The following ATXN1 variants were observed in gnomAD, a reference collection of about 807,000 sequenced individuals.
The protein encoded by ATXN1 is ataxin-1.
ATXN1 carries 8 observed loss-of-function variants against 56.4 expected under a neutral mutation model. The ratio of observed to expected loss-of-function variants is 0.14; its 90% CI spans 0.08 to 0.26. The LOEUF is 0.26. Ranked by LOEUF, ATXN1 falls within the 10% of genes least tolerant of loss-of-function variation. The pLI, the probability that ATXN1 is intolerant of heterozygous loss-of-function variation, is 1.00. For synonymous variants in ATXN1, 514 were observed against 494.6 expected, an observed-to-expected ratio of 1.04 and a Z score of -0.52; for missense variants, 987 against 1,106.5, an observed-to-expected ratio of 0.89 and a Z score of 1.53.
chr6:16,726,376 G>A (rs7768298), intron 2 of ATXN1, among the ~76,000 whole-genome samples: 36,709 of 116,888 alleles, frequency 0.31, 5,239 homozygotes, highest in East Asian at 0.48. Flanking sequence ...GCAAGACTCT[G>A]TCTCAAAAAA....
chr6:16,697,934 C>T (rs886831894), intron 2 of ATXN1, among the ~76,000 whole-genome samples: 4 of 152,150 alleles, frequency 2.6e-5, no homozygotes, highest in Non-Finnish European at 5.9e-5. Flanking sequence ...CTCAGGCACC[C>T]GGAAGCTTTG....
intron 7 of ATXN1, among the ~76,000 whole-genome samples, chr6:16,313,291 G>A (rs1760441088): frequency 6.6e-6 from 1 of 152,126 alleles, no homozygotes; most frequent in Non-Finnish European, 1.5e-5. Flanking sequence ...GCTTTTGAGT[G>A]GTGAGCAGCC....
intron 3 of ATXN1, among the ~76,000 whole-genome samples, chr6:16,639,861 G>A (rs1423613626): frequency 2.0e-5 from 3 of 152,160 alleles, no homozygotes; most frequent in Non-Finnish European, 4.4e-5. Context: ...CTTCTTCTCT[G>A]AGTAATAGCA....
intron 2 of ATXN1, among the ~76,000 whole-genome samples, chr6:16,733,771 C>T (rs1435762510): frequency 1.3e-5 from 2 of 152,184 alleles, no homozygotes; most frequent in Admixed American, 6.5e-5. Context: ...CACTTGAATC[C>T]GGGAGGGAGA....
chr6:16,595,993 C>T (rs910901177), intron 3 of ATXN1, among the ~76,000 whole-genome samples: 4 of 151,890 alleles, frequency 2.6e-5, no homozygotes, highest in Admixed American at 2.6e-4. Context: ...TTTGCAGCCC[C>T]GTTATTTTGT....
At position 16,301,188 on chromosome 6, in the gene ATXN1, A is replaced by AT. The variant is rs1294171179; in HGVS notation, c.*5140dup. 3 of 152,024 alleles carry AT rather than the reference A, an allele frequency of 2.0e-5. No individual in the cohort carries two copies. The highest frequency in any genetic ancestry group is 3.2e-3 in the Middle Eastern group (1 of 316). 9.4% of individuals were successfully genotyped at this position (152,024 alleles called of 1,614,324 possible). ...TCGACATTCATTTTTCTTTTGTGCAATTTTTTAAAACATTACCTGTACTCC... is the reference window on the plus strand; with the variant it reads ...TCGACATTCATTTTTCTTTTGTGCAATTTTTTTAAAACATTACCTGTACTCC... On this transcript the variant is annotated 3_prime_UTR_variant, in exon 8 of 8. Coordinates refer to ENST00000436367, the MANE Select transcript of ATXN1 (RefSeq NM_001128164.2).
At chr6:16,742,639 T>A (rs1205627796) in intron 2 of ATXN1, among the ~76,000 whole-genome samples, 6 of 152,168 alleles carry the variant, frequency 3.9e-5, no homozygotes, top group Non-Finnish European at 2.9e-5. Context: ...TCCCTCCACC[T>A]GGAGAAGGCG....
At chr6:16,593,338 T>C (rs578084579) in intron 3 of ATXN1, among the ~76,000 whole-genome samples, 2 of 152,264 alleles carry the variant, frequency 1.3e-5, no homozygotes, top group South Asian at 4.1e-4. Context: ...CTGGGGACTA[T>C]GGAAAGAGAA....
chr6:16,620,480 C>T (rs962687437), intron 3 of ATXN1, among the ~76,000 whole-genome samples: 1 of 152,110 alleles, frequency 6.6e-6, no homozygotes, highest in Non-Finnish European at 1.5e-5. Flanking sequence ...CTCTCTCTCT[C>T]TCACACACAC....
intron 6 of ATXN1, among the ~76,000 whole-genome samples, chr6:16,479,347 G>A (rs1760390336): frequency 6.6e-6 from 1 of 152,130 alleles, no homozygotes; most frequent in African/African-American, 2.4e-5. Flanking sequence ...TTAGGTGTCT[G>A]GAAAAGGTTA....
chr6:16,359,124 A>G (rs1165014101), intron 6 of ATXN1, among the ~76,000 whole-genome samples: 5 of 152,190 alleles, frequency 3.3e-5, no homozygotes, highest in Non-Finnish European at 7.4e-5. Context: ...CTCAGATCTC[A>G]GAGCTGGGTT....
chr6:16,677,664 T>A (rs12194553), intron 2 of ATXN1, among the ~76,000 whole-genome samples: 8,008 of 152,312 alleles, frequency 0.053, 284 homozygotes, highest in Admixed American at 0.12. Context: ...AGGTTAGTCT[T>A]CATGAAATTT....
intron 6 of ATXN1, among the ~76,000 whole-genome samples, chr6:16,346,360 C>T (rs1199924503): frequency 6.6e-6 from 1 of 152,184 alleles, no homozygotes; most frequent in Non-Finnish European, 1.5e-5. Flanking sequence ...TGAGCCACCA[C>T]GCTCAGCCTA....
chr6:16,392,378 A>C (rs775225999), intron 6 of ATXN1, among the ~76,000 whole-genome samples: 6 of 152,246 alleles, frequency 3.9e-5, no homozygotes, highest in Non-Finnish European at 8.8e-5. Context: ...ACTGCCAGTC[A>C]TAAAAGTGTT....
At chr6:16,348,445 C>T (rs1761487477) in intron 6 of ATXN1, among the ~76,000 whole-genome samples, 1 of 151,998 alleles carries the variant, frequency 6.6e-6, no homozygotes, top group African/African-American at 2.4e-5. Flanking sequence ...CACATATAAT[C>T]CCAGCACTTT....
chr6:16,619,131 T>G (rs1763273118), intron 3 of ATXN1, among the ~76,000 whole-genome samples: 1 of 152,190 alleles, frequency 6.6e-6, no homozygotes, highest in Non-Finnish European at 1.5e-5. Flanking sequence ...TTGTTTCTTT[T>G]TTTTTTAATT....
In ATXN1 at chr6:16,328,121, C is replaced by T. The variant is rs1360402468; in HGVS notation, c.190G>A (p.Gly64Arg). ...TGTAAACCAAGCTCCACCGAGGTCC[C>T]TGCCGGCCCATGCCTCCCGCCCCCG... Reference protein sequence around the residue: ...GHGGGRHGPAGTSVELGLQQG... With the variant: ...GHGGGRHGPARTSVELGLQQG... The change falls in exon 7 of 8, where the codon GGG (glycine) becomes AGG (arginine). Residue 64 changes from glycine (G) to arginine (R), a missense_variant. Transcript: ENST00000436367. This position sits in a 1 kb window ranked among gnomAD's most constrained non-coding sequence, Gnocchi z 6.2. The T allele has an allele frequency of 1.3e-6, 2 of 1,589,514 alleles. No individual in the cohort carries two copies. The highest frequency in any genetic ancestry group is 1.7e-6 in the Non-Finnish European group (2 of 1,163,936).
intron 6 of ATXN1, among the ~76,000 whole-genome samples, chr6:16,451,459 C>T (rs929519143): frequency 5.3e-5 from 8 of 151,782 alleles, no homozygotes; most frequent in South Asian, 2.1e-4. Context: ...AGCGAGACTC[C>T]GTCTCAAAAA....
chr6:16,673,631 T>C (rs762798940), intron 2 of ATXN1, among the ~76,000 whole-genome samples: 5 of 152,150 alleles, frequency 3.3e-5, no homozygotes, highest in African/African-American at 7.2e-5. Flanking sequence ...TATTGATTGA[T>C]TGATTGATTT....
Sources: gnomAD v4.1 joint callset for allele counts (sites outside exome capture counted in the v4.1 genomes callset) on GRCh38, gnomAD v4.1.1 for gene constraint, Gnocchi (gnomAD v3.1) non-coding constraint, MANE v1.5 for transcripts, NCBI Gene and HGNC (gene_info 2026-07-23, HGNC 2026-07-21) for gene names.